The following IQCK variants were observed in gnomAD, a reference collection of about 807,000 sequenced individuals.
IQCK encodes the protein IQ domain-containing protein K.
In IQCK, 29 loss-of-function variants were observed where a neutral mutation model predicts 28.1. The ratio of observed to expected loss-of-function variants is 1.03; its 90% CI spans 0.77 to 1.41. The LOEUF (loss-of-function observed/expected upper bound fraction) is 1.41. Among genes scored for constraint, IQCK ranks in the 40% most tolerant of loss-of-function variants. The pLI is 0.00. For missense variants in IQCK, 359 were observed against 314.7 expected (o/e 1.14, Z -1.07); for synonymous variants, 113 against 115.1 (o/e 0.98, Z 0.12).
chr16:19,753,348 C>T (rs2055012371), intron 4 of IQCK, among the ~76,000 whole-genome samples: 1 of 152,054 alleles, frequency 6.6e-6, no homozygotes, highest in African/African-American at 2.4e-5. Flanking sequence ...ATCCCTTGAG[C>T]CTAGGAATTC....
chr16:19,719,620 T>A (rs1977415705), intron 1 of IQCK, among the ~76,000 whole-genome samples: 1 of 151,574 alleles, frequency 6.6e-6, no homozygotes, highest in Non-Finnish European at 1.5e-5. Context: ...TAGTTAGCAT[T>A]TGAAATGTGA....
In IQCK at chr16:19,793,647, T is replaced by TTTG. The variant is rs1411935449; in HGVS notation, c.690+4727_690+4728insGTT. ...GCCTATCGAAATCTCAGTTGGGTTT[T>TTTG]TTTTTTTTTTTTTTTTTTTTTTTTT... On this transcript the variant is annotated intron_variant, in intron 7 of 7. Transcript: ENST00000564186. 3.7e-4 allele frequency among the ~76,000 whole-genome samples: 38 copies of TTTG among 103,250 alleles called. 1 individual carries two copies. The highest frequency in any genetic ancestry group is 6.1e-4 in the Non-Finnish European group (36 of 58,834). The allele number at this position is 103,250 out of a possible 152,430, so 67.7% of individuals were successfully genotyped here.
chr16:19,776,758 T>G lies in IQCK; in HGVS notation c.606-12080T>G, dbSNP rs565413622. The stretch of plus-strand genomic sequence containing the variant: ...AAAACGATCTGCCACGTACTCTAAT[T>G]GAAGTGTGATGAGGGTGTTTTTGTT... On this transcript the variant is annotated intron_variant, in intron 6 of 7. Coordinates refer to ENST00000564186, the Ensembl canonical transcript of IQCK. Among the ~76,000 whole-genome samples, 5 of 152,210 alleles carry G rather than the reference T, an allele frequency of 3.3e-5. No individual in the cohort carries two copies. In the East Asian group the frequency reaches 7.7e-4, roughly 24 times the overall value.
intron 6 of IQCK, among the ~76,000 whole-genome samples, chr16:19,767,223 T>G (rs963358558): frequency 6.6e-6 from 1 of 152,170 alleles, no homozygotes; most frequent in African/African-American, 2.4e-5. Flanking sequence ...GGTGCTCTCT[T>G]AGTTTGCCAT....
At chr16:19,777,969 C>A (rs1023039500) in intron 6 of IQCK, among the ~76,000 whole-genome samples, 2 of 152,128 alleles carry the variant, frequency 1.3e-5, no homozygotes, top group Admixed American at 1.3e-4. Context: ...GAGAGAATTG[C>A]TTCAACCCGG....
chr16:19,813,265 A>G (rs1006256138), intron 7 of IQCK, among the ~76,000 whole-genome samples: 1 of 152,234 alleles, frequency 6.6e-6, no homozygotes, highest in African/African-American at 2.4e-5. Flanking sequence ...GAGGGAAACA[A>G]TAGAATGAAT....
chr16:19,847,289 A>G (rs886830746), intron 9 of IQCK, among the ~76,000 whole-genome samples: 3 of 152,134 alleles, frequency 2.0e-5, no homozygotes, highest in African/African-American at 7.2e-5. Flanking sequence ...AGGTGGGCAC[A>G]TTTTTGTGTC....
intron 4 of IQCK, chr16:19,761,659 G>T (rs1486995958): frequency 7.0e-6 from 2 of 285,144 alleles, no homozygotes; most frequent in South Asian, 3.3e-5. Flanking sequence ...AACTTGAAAT[G>T]GAAATAGAAG....
intron 4 of IQCK, among the ~76,000 whole-genome samples, chr16:19,740,923 GTGCCAC>G (rs2054824123): frequency 6.6e-6 from 1 of 150,810 alleles, no homozygotes; most frequent in Admixed American, 6.6e-5. Flanking sequence ...AGCCAAGATC[GTGCCAC>G]TGCACTCCAG....
At chr16:19,776,628 G>A (rs1460517571) in intron 6 of IQCK, among the ~76,000 whole-genome samples, 2 of 152,194 alleles carry the variant, frequency 1.3e-5, no homozygotes, top group African/African-American at 4.8e-5. Flanking sequence ...AGAATTGCCG[G>A]AACCCGAGAA....
intron 6 of IQCK, among the ~76,000 whole-genome samples, chr16:19,779,660 C>T (rs1263972088): frequency 2.6e-5 from 4 of 151,634 alleles, no homozygotes; most frequent in Admixed American, 2.0e-4. Context: ...GATTTATCCT[C>T]GTTATTTTTT....
chr16:19,808,985 G>A (rs1196383109), intron 7 of IQCK, among the ~76,000 whole-genome samples: 4 of 152,154 alleles, frequency 2.6e-5, no homozygotes, highest in African/African-American at 9.7e-5. Flanking sequence ...AGCCTCCCAA[G>A]TAGCCTGGAT....
At chr16:19,821,710 A>G (rs543764439) in intron 7 of IQCK, among the ~76,000 whole-genome samples, 1 of 152,142 alleles carries the variant, frequency 6.6e-6, no homozygotes, top group East Asian at 1.9e-4. Flanking sequence ...TAAATAAACA[A>G]ACAAAAACTC....
chr16:19,764,790 A>G (rs1233709512), intron 6 of IQCK, among the ~76,000 whole-genome samples: 1 of 147,732 alleles, frequency 6.8e-6, no homozygotes, highest in African/African-American at 2.5e-5. Flanking sequence ...TCCCGGGTTC[A>G]TGCCATTCTC....
In IQCK at chr16:19,726,859, C is replaced by A. The variant is rs187694717; in HGVS notation, c.182-3571C>A. 2.0e-3 allele frequency among the ~76,000 whole-genome samples: 306 copies of A among 152,258 alleles called. 1 individual carries two copies. The highest frequency in any genetic ancestry group is 6.2e-3 in the Admixed American group (95 of 15,288). On this transcript the variant is annotated intron_variant, in intron 1 of 7. Transcript: ENST00000564186. The stretch of plus-strand genomic sequence containing the variant: ...AGAAAAGATAGTCATTAATGCCGGG[C>A]ATGCTGGCTGAAGCCTGTAATTCCA...
chr16:19,841,856 T>C (rs1308561257), intron 9 of IQCK, among the ~76,000 whole-genome samples: 1 of 152,044 alleles, frequency 6.6e-6, no homozygotes, highest in Non-Finnish European at 1.5e-5. Context: ...TCTTTTTTTT[T>C]TTTTTTGAGA....
exon 1 of IQCK, chr16:19,718,347 T>C: frequency 6.2e-7 from 1 of 1,610,254 alleles, no homozygotes; most frequent in Non-Finnish European, 8.5e-7. Context: ...ATAGTGCGCC[T>C]CAAGCCCAGC....
chr16:19,780,867 G>A (rs2055472761), intron 6 of IQCK, among the ~76,000 whole-genome samples: 1 of 152,198 alleles, frequency 6.6e-6, no homozygotes, highest in Admixed American at 6.5e-5. Context: ...TACTATATCA[G>A]CAGCTCTTGT....
chr16:19,774,321 T>A (rs970669070), intron 6 of IQCK, among the ~76,000 whole-genome samples: 3 of 151,764 alleles, frequency 2.0e-5, no homozygotes, highest in African/African-American at 7.3e-5. Context: ...TAGTGCCAAC[T>A]ATTATTATAT....
Sources: gnomAD v4.1 joint callset for allele counts (sites outside exome capture counted in the v4.1 genomes callset) on GRCh38, gnomAD v4.1.1 for gene constraint, MANE v1.5 for transcripts, NCBI Gene and HGNC (gene_info 2026-07-23, HGNC 2026-07-21) for gene names.